The following TMX1 variants were observed in gnomAD, a reference collection of about 807,000 sequenced individuals.
The protein encoded by TMX1 is thioredoxin related transmembrane protein 1, also known as thioredoxin-related transmembrane protein 1.
Under a neutral mutation model 36.6 loss-of-function variants are expected in TMX1, and 25 were observed. The observed-to-expected ratio is 0.68, with a 90% CI of 0.50 to 0.95. The LOEUF is 0.95. Ranked by LOEUF, TMX1 falls within the 40% of genes least tolerant of loss-of-function variation. TMX1 has a pLI of 0.00. For missense variants in TMX1, 347 were observed against 339.6 expected, an observed-to-expected ratio of 1.02 and a Z score of -0.17; for synonymous variants, 133 against 118.0, an observed-to-expected ratio of 1.13 and a Z score of -0.82.
intron 7 of TMX1, 142 bp from the exon 8 acceptor site, chr14:51,254,199 G>C (rs2065827879): frequency 6.6e-6 from 4 of 605,716 alleles, no homozygotes; most frequent in African/African-American, 1.9e-5. Flanking sequence ...ATCTTATCTT[G>C]AATAACTTTC....
In TMX1 at chr14:51,254,556, TA is replaced by T; in HGVS notation, c.*42del. On this transcript the variant is annotated 3_prime_UTR_variant, in exon 8 of 8. Transcript: ENST00000457354. ...AGTTATCTTAATATTATGATTTTGA[TA>T]AAAACAGAAGATTGATCATTTTGTT... 2 of 1,537,178 alleles carry T rather than the reference TA, an allele frequency of 1.3e-6. No individual in the cohort carries two copies. The highest frequency in any genetic ancestry group is 1.8e-6 in the Non-Finnish European group (2 of 1,142,838).
chr14:51,250,275 G>A (rs1294114890), intron 7 of TMX1, among the ~76,000 whole-genome samples: 3 of 152,140 alleles, frequency 2.0e-5, no homozygotes, highest in African/African-American at 7.2e-5. Flanking sequence ...TACTGTTAAT[G>A]GAAGCATTTA....
intron 2 of TMX1, among the ~76,000 whole-genome samples, chr14:51,245,055 T>A (rs1428490105): frequency 1.3e-5 from 2 of 152,206 alleles, no homozygotes; most frequent in African/African-American, 4.8e-5. Context: ...GTGATATAAA[T>A]GTTGAAGTGT....
chr14:51,244,060 C>A, intron 2 of TMX1, 89 bp downstream of exon 2: 2 of 1,082,344 alleles, frequency 1.8e-6, no homozygotes, highest in Non-Finnish European at 2.5e-6. Context: ...CTTAATTCTA[C>A]CTTTCTTTAG....
chr14:51,248,379 T>G (rs1469923237), intron 4 of TMX1, among the ~76,000 whole-genome samples: 1 of 152,196 alleles, frequency 6.6e-6, no homozygotes, highest in Non-Finnish European at 1.5e-5. Flanking sequence ...CTCTAGATTC[T>G]GGGGATGGGA....
intron 7 of TMX1, among the ~76,000 whole-genome samples, chr14:51,253,436 A>C (rs2065823990): frequency 6.6e-6 from 1 of 152,218 alleles, no homozygotes; most frequent in South Asian, 2.1e-4. Context: ...ACTAAACAAC[A>C]GATGGTTCAT....
chr14:51,243,231 G>T (rs901345411), intron 1 of TMX1, among the ~76,000 whole-genome samples: 5 of 152,098 alleles, frequency 3.3e-5, no homozygotes, highest in African/African-American at 1.2e-4. Context: ...TAAATCCAAG[G>T]TCTTGGAAAC....
intron 2 of TMX1, among the ~76,000 whole-genome samples, chr14:51,244,848 A>G (rs1464477811): frequency 6.6e-6 from 1 of 152,156 alleles, no homozygotes; most frequent in African/African-American, 2.4e-5. Context: ...ATGGCTAACA[A>G]TAAATGTTAG....
Position 51,249,569 on chromosome 14 carries a change from CGTAA to C in TMX1, c.591+4_591+7del. On this transcript the variant is annotated splice_donor_variant and splice_donor_region_variant and intron_variant, in intron 6 of 7. Coordinates refer to ENST00000457354, the MANE Select transcript of TMX1 (RefSeq NM_030755.5). LOFTEE classifies it high-confidence loss of function. ...TGTTTTCCGGACTGTTATTAGGACT[CGTAA>C]GTATTTCATTTTTGGAGTGCTAGGA... 2 of 1,611,846 alleles carry C rather than the reference CGTAA, an allele frequency of 1.2e-6. No homozygotes were observed. Among genetic ancestry groups the C allele is most frequent in the Non-Finnish European group, 1.7e-6 (2 of 1,179,182 alleles).
Position 51,240,247 on chromosome 14 carries a change from A to C in TMX1, c.-46A>C. ...GCGCTGAGCAGCCCGCGAGGGCGGA[A>C]GTGGGAGCTGCGACCGCGCTCCCTG... On this transcript the variant is annotated 5_prime_UTR_variant, in exon 1 of 8. Coordinates refer to ENST00000457354, the MANE Select transcript of TMX1 (RefSeq NM_030755.5). The C allele has an allele frequency of 6.3e-7, 1 of 1,598,222 alleles. No individual in the cohort carries two copies. Among genetic ancestry groups the C allele is most frequent in the Non-Finnish European group, 8.5e-7 (1 of 1,176,840 alleles).
At chr14:51,242,576 A>G (rs189371864) in intron 1 of TMX1, among the ~76,000 whole-genome samples, 2 of 152,224 alleles carry the variant, frequency 1.3e-5, no homozygotes, top group South Asian at 2.1e-4. Flanking sequence ...TTAGAAAGCA[A>G]CTGACAGCCT....
rs183537682 is a variant in TMX1, at chr14:51,256,640, C to T, written c.*2121C>T. 1.4e-3 allele frequency: 209 copies of T among 152,212 alleles called. No individual in the cohort carries two copies. Among genetic ancestry groups the T allele is most frequent in the African/African-American group, 4.7e-3 (195 of 41,520 alleles). 9.4% of individuals were successfully genotyped at this position (152,212 alleles called of 1,614,324 possible). A position where few individuals can be genotyped will look rare whatever the true frequency, so the allele number is the denominator to read the frequency against. ...GAGGAAAATACAGTATTCTACCTTA[C>T]GTTGTGTAAATACTTAATGATTATC... is the stretch of plus-strand genomic sequence containing the variant. On this transcript the variant is annotated 3_prime_UTR_variant, in exon 8 of 8. Transcript: ENST00000457354.
rs747835004 is a variant in TMX1, at chr14:51,254,408, A to C, written c.732A>C (p.Glu244Asp). The C allele has an allele frequency of 8.7e-6, 14 of 1,612,466 alleles. No individual in the cohort carries two copies. Among genetic ancestry groups the C allele is most frequent in the Non-Finnish European group, 1.1e-5 (13 of 1,179,094 alleles). The change falls in exon 8 of 8, where the codon GAA (glutamate) becomes GAC (aspartate). Residue 244 changes from glutamate to aspartate, a missense_variant. Glu to Asp is a conservative substitution (Grantham distance 45). Transcript: ENST00000457354. ...AGGAGGAACAAGAGGCGGATGAAGA[A>C]GATGTTTCAGAAGAAGAAGCTGAAA... is the stretch of plus-strand genomic sequence containing the variant. Reference protein sequence around the residue: ...KVEEEQEADEEDVSEEEAESK... With the variant: ...KVEEEQEADEDDVSEEEAESK...
rs1432124331 is a variant in TMX1 at position 51,255,990 on chromosome 14, T to C, written c.*1471T>C. 1 of 152,596 alleles carries C rather than the reference T, an allele frequency of 6.6e-6. No individual in the cohort carries two copies. The highest frequency in any genetic ancestry group is 1.5e-5 in the Non-Finnish European group (1 of 67,976). The allele number at this position is 152,596 out of a possible 1,614,324, so 9.5% of individuals were successfully genotyped here. A position where few individuals can be genotyped will look rare whatever the true frequency, so the allele number is the denominator to read the frequency against. The stretch of plus-strand genomic sequence containing the variant: ...AAGAGTTTGGATGTGTAACTTGTGA[T>C]GCCTTAGAAAAATATCCTAAGCACA... On this transcript the variant is annotated 3_prime_UTR_variant, in exon 8 of 8. Coordinates refer to ENST00000457354, the MANE Select transcript of TMX1 (RefSeq NM_030755.5).
intron 1 of TMX1, among the ~76,000 whole-genome samples, chr14:51,243,495 C>G (rs1187304671): frequency 6.6e-6 from 1 of 152,296 alleles, no homozygotes; most frequent in East Asian, 1.9e-4. Flanking sequence ...GCATTTGTGA[C>G]TCTGCATTAT....
chr14:51,243,817 G>T, intron 1 of TMX1, 39 bp from the exon 2 acceptor site: 2 of 1,480,016 alleles, frequency 1.4e-6, no homozygotes, highest in African/African-American at 1.4e-5. Flanking sequence ...TCATACTAAA[G>T]TGCTTAACTT....
At chr14:51,245,561 A>G in intron 3 of TMX1, 1 of 1,318,960 alleles carries the variant, frequency 7.6e-7, no homozygotes, top group Non-Finnish European at 1.0e-6. Flanking sequence ...TCTGTTCTCA[A>G]AGATTTACAG....
At chr14:51,242,702 G>A (rs931398836) in intron 1 of TMX1, among the ~76,000 whole-genome samples, 1 of 152,048 alleles carries the variant, frequency 6.6e-6, no homozygotes, top group Non-Finnish European at 1.5e-5. Context: ...TCTTGAGCCC[G>A]GGAGGTTGAG....
rs554129456 is a variant in TMX1 at position 51,255,345 on chromosome 14, A to G, written c.*826A>G. ...TCTGTTGTAATTTAAAATTTTGGCC[A>G]CTTTTTTCAGATTTTACATCATTCT... On this transcript the variant is annotated 3_prime_UTR_variant, in exon 8 of 8. Transcript: ENST00000457354. The G allele has an allele frequency of 1.6e-4, 24 of 150,340 alleles. No homozygotes were observed. The highest frequency in any genetic ancestry group is 5.4e-4 in the African/African-American group (22 of 41,072). 9.3% of individuals were successfully genotyped at this position (150,340 alleles called of 1,614,324 possible). A position where few individuals can be genotyped will look rare whatever the true frequency, so the allele number is the denominator to read the frequency against.
Sources: allele counts gnomAD v4.1 joint callset (sites outside exome capture counted in the v4.1 genomes callset), GRCh38; gene constraint gnomAD v4.1.1; transcripts MANE v1.5; gene names NCBI Gene and HGNC (gene_info 2026-07-23, HGNC 2026-07-21).